Variants in PDCD1LG2 observed in about 807,000 individuals in gnomAD.
The protein encoded by PDCD1LG2 is programmed cell death 1 ligand 2.
A neutral mutation model predicts 28.2 loss-of-function variants in PDCD1LG2; 32 were observed. The observed-to-expected ratio is 1.13, with a 90% confidence interval of 0.86 to 1.52. PDCD1LG2 has a LOEUF of 1.52. PDCD1LG2 is among the 40% of genes most tolerant of loss of function. PDCD1LG2 has a pLI of 0.00. For synonymous variants in PDCD1LG2, 116 were observed against 120.2 expected, an observed-to-expected ratio of 0.97 and a Z score of 0.23; for missense variants, 385 against 323.8, an observed-to-expected ratio of 1.19 and a Z score of -1.45.
chr9:5,566,258 C>T (rs949882496), intron 6 of PDCD1LG2, among the ~76,000 whole-genome samples: 1 of 152,210 alleles, frequency 6.6e-6, no homozygotes, highest in Non-Finnish European at 1.5e-5. Context: ...TTAAGAAGCA[C>T]AGGGCTTGCT....
chr9:5,553,400 C>T (rs1454646346), intron 4 of PDCD1LG2, among the ~76,000 whole-genome samples: 3 of 152,148 alleles, frequency 2.0e-5, no homozygotes, highest in Admixed American at 6.5e-5. Flanking sequence ...ATTCAACTGT[C>T]GTTCGTTATA....
chr9:5,517,866 A>C (rs1820197522), intron 1 of PDCD1LG2, among the ~76,000 whole-genome samples: 2 of 152,208 alleles, frequency 1.3e-5, no homozygotes, highest in African/African-American at 4.8e-5. Flanking sequence ...TCACCTCAAT[A>C]AGTGGAGGAT....
chr9:5,569,851 G>C lies in PDCD1LG2; in HGVS notation c.817-103G>C, dbSNP rs1372888867. The C allele has an allele frequency of 4.2e-6, 5 of 1,194,876 alleles. No individual in the cohort carries two copies. In the African/African-American group the frequency reaches 4.6e-5, roughly 11 times the overall value. The allele number at this position is 1,194,876 out of a possible 1,614,324, so 74.0% of individuals were successfully genotyped here. A position where few individuals can be genotyped will look rare whatever the true frequency, so the allele number is the denominator to read the frequency against. On this transcript the variant is annotated intron_variant, in intron 6 of 6. Coordinates refer to ENST00000397747, the MANE Select transcript of PDCD1LG2 (RefSeq NM_025239.4). The surrounding 1 kb of genome is among the most constrained non-coding windows in gnomAD (Gnocchi z 4.1). ...TAAACCATGCGGCTTCCAGCTAGAT[G>C]AACTTTTTTAAAAAAATTAGTTCCT... is the stretch of plus-strand genomic sequence containing the variant.
At chr9:5,517,936 A>T (rs1463564719) in intron 1 of PDCD1LG2, among the ~76,000 whole-genome samples, 1 of 152,202 alleles carries the variant, frequency 6.6e-6, no homozygotes, top group African/African-American at 2.4e-5. Flanking sequence ...CTGCTATGGT[A>T]TAAGAAGAAA....
chr9:5,524,446 G>C (rs1455333672), intron 2 of PDCD1LG2, among the ~76,000 whole-genome samples: 1 of 152,196 alleles, frequency 6.6e-6, no homozygotes, highest in Non-Finnish European at 1.5e-5. Flanking sequence ...TAAAAATGTA[G>C]CGCTTTCTCA....
intron 1 of PDCD1LG2, among the ~76,000 whole-genome samples, chr9:5,516,067 T>C (rs73386664): frequency 0.32 from 48,426 of 151,672 alleles, 7,876 homozygotes; most frequent in Admixed American, 0.39. Flanking sequence ...GTTTTGTTTT[T>C]TTGAGACGGA....
At chr9:5,567,630 A>G in intron 6 of PDCD1LG2, among the ~76,000 whole-genome samples, 1 of 152,234 alleles carries the variant, frequency 6.6e-6, no homozygotes, top group East Asian at 1.9e-4. Context: ...AGAGATATTA[A>G]GTGACTTCCT....
At chr9:5,552,854 C>T (rs1816364282) in intron 4 of PDCD1LG2, among the ~76,000 whole-genome samples, 2 of 152,146 alleles carry the variant, frequency 1.3e-5, no homozygotes, top group Non-Finnish European at 2.9e-5. Context: ...ATTTACTACC[C>T]AATGCCAACA....
intron 4 of PDCD1LG2, among the ~76,000 whole-genome samples, chr9:5,554,947 A>T (rs1048082811): frequency 2.0e-5 from 3 of 152,228 alleles, no homozygotes; most frequent in Non-Finnish European, 4.4e-5. Context: ...ATAGGGTTAT[A>T]GTGAGGATTA....
intron 6 of PDCD1LG2, among the ~76,000 whole-genome samples, chr9:5,568,020 TG>T (rs1240528931): frequency 1.3e-5 from 2 of 152,144 alleles, no homozygotes; most frequent in Non-Finnish European, 2.9e-5. Flanking sequence ...GCATTCCACA[TG>T]GGTGTGTTTC....
At chr9:5,541,053 T>C (rs1206235976) in intron 3 of PDCD1LG2, among the ~76,000 whole-genome samples, 1 of 152,168 alleles carries the variant, frequency 6.6e-6, no homozygotes, top group Non-Finnish European at 1.5e-5. Flanking sequence ...GCAGGGATGG[T>C]TTAACATCCA....
intron 2 of PDCD1LG2, among the ~76,000 whole-genome samples, chr9:5,526,556 A>G (rs1003147574): frequency 3.3e-5 from 5 of 152,112 alleles, no homozygotes; most frequent in African/African-American, 7.2e-5. Flanking sequence ...TCCTGCCTCA[A>G]TCTCCTGAGT....
intron 1 of PDCD1LG2, among the ~76,000 whole-genome samples, 159 bp downstream of exon 1, chr9:5,510,962 T>A (rs1448505033): frequency 6.6e-6 from 1 of 152,244 alleles, no homozygotes; most frequent in Non-Finnish European, 1.5e-5. Context: ...AATAAGCTAA[T>A]GTCCTCCTGC....
At chr9:5,559,305 T>C (rs1042883295) in intron 5 of PDCD1LG2, among the ~76,000 whole-genome samples, 4 of 152,354 alleles carry the variant, frequency 2.6e-5, no homozygotes, top group South Asian at 2.1e-4. Context: ...ATTTCTTTTA[T>C]ATTTTTAATG....
At chr9:5,536,759 T>C (rs1388662941) in intron 3 of PDCD1LG2, among the ~76,000 whole-genome samples, 1 of 152,168 alleles carries the variant, frequency 6.6e-6, no homozygotes, top group African/African-American at 2.4e-5. Context: ...AACTGGGATA[T>C]TTGGGGATTA....
intron 3 of PDCD1LG2, 116 bp downstream of exon 3, chr9:5,535,166 G>C (rs908112157): frequency 2.2e-6 from 2 of 908,276 alleles, no homozygotes; most frequent in African/African-American, 1.7e-5. Flanking sequence ...CTTTTAAGGA[G>C]ACAGCTATTT....
intron 4 of PDCD1LG2, among the ~76,000 whole-genome samples, 174 bp from the exon 5 acceptor site, chr9:5,557,444 T>C (rs1007508572): frequency 6.6e-6 from 1 of 151,978 alleles, no homozygotes; most frequent in African/African-American, 2.4e-5. Context: ...CTTCACAGAG[T>C]GGTTGCGAGG....
chr9:5,516,773 C>T (rs971887677), intron 1 of PDCD1LG2, among the ~76,000 whole-genome samples: 14 of 152,236 alleles, frequency 9.2e-5, no homozygotes, highest in African/African-American at 3.4e-4. Context: ...TGTGACAGCA[C>T]CTAGGCTTGG....
At chr9:5,515,000 A>C (rs979330434) in intron 1 of PDCD1LG2, among the ~76,000 whole-genome samples, 1 of 152,136 alleles carries the variant, frequency 6.6e-6, no homozygotes, top group Admixed American at 6.5e-5. Flanking sequence ...GTGGTCATAT[A>C]GGAATTCATG....
Sources: allele counts gnomAD v4.1 joint callset (sites outside exome capture counted in the v4.1 genomes callset), GRCh38; gene constraint gnomAD v4.1.1; non-coding constraint Gnocchi (gnomAD v3.1); transcripts MANE v1.5; gene names NCBI Gene and HGNC (gene_info 2026-07-23, HGNC 2026-07-21).